The following KIF3A variants were observed in gnomAD, a reference collection of about 807,000 sequenced individuals.
KIF3A encodes kinesin family member 3A.
A neutral mutation model predicts 92.6 loss-of-function variants in KIF3A; 27 were observed. That is an observed-to-expected ratio of 0.29 (90% CI 0.21 to 0.40). The LOEUF is 0.40. Among genes scored for constraint, KIF3A ranks in the 10% least tolerant of loss-of-function variants. The pLI, the probability that KIF3A is intolerant of heterozygous loss-of-function variation, is 1.00. For synonymous variants in KIF3A, 250 were observed against 275.4 expected, an observed-to-expected ratio of 0.91 and a Z score of 0.92; for missense variants, 581 against 872.6, an observed-to-expected ratio of 0.67 and a Z score of 4.21.
At chr5:132,735,634 CA>C (rs1754367291) in intron 1 of KIF3A, among the ~76,000 whole-genome samples, 1 of 152,192 alleles carries the variant, frequency 6.6e-6, no homozygotes, top group South Asian at 2.1e-4. Flanking sequence ...TAGTCTAAAT[CA>C]CCATCATCTT....
At position 132,698,779 on chromosome 5, in the gene KIF3A, A is replaced by C. The variant is rs554532251; in HGVS notation, c.2132+392T>G. The stretch of plus-strand genomic sequence containing the variant: ...AAGTCTTGCTCTGTCACCCAGGCTG[A>C]AGTTCAGTGGCATGATCTCATGATC... On this transcript the variant is annotated intron_variant, in intron 18 of 18. Coordinates refer to ENST00000403231, the MANE Select transcript of KIF3A (RefSeq NM_001300791.2). Among the ~76,000 whole-genome samples, 12 of 36,216 alleles carry C rather than the reference A, an allele frequency of 3.3e-4. No individual in the cohort carries two copies. The South Asian group carries it at 4.2e-3, about 13-fold the overall frequency. 23.8% of individuals were successfully genotyped at this position (36,216 alleles called of 152,430 possible).
chr5:132,698,831 G>A (rs372678499), intron 18 of KIF3A, among the ~76,000 whole-genome samples: 1 of 149,838 alleles, frequency 6.7e-6, no homozygotes, highest in Non-Finnish European at 1.5e-5. Context: ...TCCGGCTCCT[G>A]GGTTCAAGCG....
At position 132,696,556 on chromosome 5, in the gene KIF3A, C is replaced by T. The variant is rs1752843246; in HGVS notation, c.*78G>A. 2 of 814,286 alleles carry T rather than the reference C, an allele frequency of 2.5e-6. No individual in the cohort carries two copies. The highest frequency in any genetic ancestry group is 3.4e-5 in the African/African-American group (2 of 58,798). 50.4% of individuals were successfully genotyped at this position (814,286 alleles called of 1,614,324 possible). ...CCATTAATTGAAATTATAGAGAAGT[C>T]TTCACTGTTTTAATTAAAGATTTTG... On this transcript the variant is annotated 3_prime_UTR_variant, in exon 19 of 19. Transcript: ENST00000403231.
intron 2 of KIF3A, 136 bp from the exon 3 acceptor site, chr5:132,726,634 T>C (rs1754043140): frequency 2.7e-6 from 2 of 743,998 alleles, no homozygotes; most frequent in Admixed American, 5.1e-5. Context: ...AAGTTTCACC[T>C]TTATTATCAA....
chr5:132,707,372 C>T lies in KIF3A; in HGVS notation c.1301-913G>A, dbSNP rs530115621. On this transcript the variant is annotated intron_variant, in intron 10 of 18. Transcript: ENST00000403231. ...GACAACCATCTCTCCACTTCACCAA[C>T]ACGCCCACATTACAAGAAAAAAATT... 3.3e-5 allele frequency among the ~76,000 whole-genome samples: 5 copies of T among 152,280 alleles called. No homozygotes were observed. In the East Asian group the frequency reaches 9.6e-4, roughly 29 times the overall value.
At chr5:132,706,584 AGT>A in intron 10 of KIF3A, 125 bp from the exon 11 acceptor site, 1 of 657,022 alleles carries the variant, frequency 1.5e-6, no homozygotes, top group Non-Finnish European at 2.4e-6. Context: ...CATTCATTTA[AGT>A]GTAGAAATAA....
Position 132,699,187 on chromosome 5 carries a change from G to A in KIF3A, c.2116C>T (p.Pro706Ser). Residue 706 changes from proline (P) to serine (S), a missense_variant, in exon 18 of 19, where the codon CCA becomes TCA. By Grantham distance (74) the Pro-to-Ser change is moderately conservative (BLOSUM62 -1). Coordinates refer to ENST00000403231, the MANE Select transcript of KIF3A (RefSeq NM_001300791.2). ...RPRTSKGKAR[P>S]KTGRRKRSAK... ...AGTCCTTACCTTCTCCCTGTCTTTG[G>A]CCTTGCTTTCCCCTTTGAAGTTCGT... 4 of 1,613,828 alleles carry A rather than the reference G, an allele frequency of 2.5e-6. No individual in the cohort carries two copies. The highest frequency in any genetic ancestry group is 3.4e-6 in the Non-Finnish European group (4 of 1,179,886).
chr5:132,730,451 A>G (rs1754188602), intron 2 of KIF3A, among the ~76,000 whole-genome samples: 3 of 150,134 alleles, frequency 2.0e-5, no homozygotes, highest in African/African-American at 7.4e-5. Flanking sequence ...TGGGCAACAG[A>G]GCAAGACTCT....
intron 11 of KIF3A, among the ~76,000 whole-genome samples, chr5:132,704,644 T>C (rs907947883): frequency 1.3e-5 from 2 of 151,934 alleles, no homozygotes; most frequent in African/African-American, 2.4e-5. Context: ...GAAACATACA[T>C]TCCTTCAGAA....
intron 2 of KIF3A, 109 bp downstream of exon 2, chr5:132,734,096 T>C (rs1754316999): frequency 1.2e-6 from 1 of 863,370 alleles, no homozygotes. Context: ...GTTTCACAAC[T>C]GTATATATTT....
At chr5:132,733,685 T>C (rs527658192) in intron 2 of KIF3A, among the ~76,000 whole-genome samples, 1 of 152,190 alleles carries the variant, frequency 6.6e-6, no homozygotes, top group Admixed American at 6.5e-5. Context: ...GAGGATAGCT[T>C]CAGCCCAGGT....
In KIF3A at chr5:132,734,187, A is replaced by C; in HGVS notation, c.280+18T>G. 1 of 1,588,018 alleles carries C rather than the reference A, an allele frequency of 6.3e-7. No homozygotes were observed. The highest frequency in any genetic ancestry group is 2.2e-5 in the East Asian group (1 of 44,728). On this transcript the variant is annotated intron_variant, in intron 2 of 18. Transcript: ENST00000403231. ...TGTCTCAATAAGGGAGTTTTTTAAA[A>C]AGTAAAGATTCACTTACCATTGTAG...
intron 7 of KIF3A, 89 bp downstream of exon 7, chr5:132,716,156 G>A: frequency 2.6e-6 from 3 of 1,159,726 alleles, no homozygotes; most frequent in Non-Finnish European, 3.7e-6. Flanking sequence ...AAATAATCAA[G>A]TTTAAAAAAT....
At chr5:132,723,784 C>T (rs1043070718) in intron 4 of KIF3A, 2 of 152,004 alleles carry the variant, frequency 1.3e-5, no homozygotes, top group Non-Finnish European at 2.9e-5. Flanking sequence ...GCAACAAAAG[C>T]CAAAATTGAC....
chr5:132,694,806 T>C lies in KIF3A; in HGVS notation c.*1828A>G, dbSNP rs369999536. The C allele has an allele frequency of 6.6e-6, 1 of 152,322 alleles. No individual in the cohort carries two copies. Among genetic ancestry groups the C allele is most frequent in the South Asian group, 2.1e-4 (1 of 4,834 alleles). 9.4% of individuals were successfully genotyped at this position (152,322 alleles called of 1,614,324 possible). A position where few individuals can be genotyped will look rare whatever the true frequency, so the allele number is the denominator to read the frequency against. ...AACAATGCCCCACAGAGTTAAGTAA[T>C]AAATTTCTAGCTATCTTACATACCA... is the stretch of plus-strand genomic sequence containing the variant. On this transcript the variant is annotated 3_prime_UTR_variant, in exon 19 of 19. Coordinates refer to ENST00000403231, the MANE Select transcript of KIF3A (RefSeq NM_001300791.2).
chr5:132,729,383 C>T (rs1420984377), intron 2 of KIF3A, among the ~76,000 whole-genome samples: 2 of 151,996 alleles, frequency 1.3e-5, no homozygotes, highest in African/African-American at 4.8e-5. Flanking sequence ...GTCCAGGAGG[C>T]TGAGGCTGCA....
chr5:132,714,095 C>T (rs151270001), intron 8 of KIF3A, among the ~76,000 whole-genome samples: 2,833 of 151,982 alleles, frequency 0.019, 79 homozygotes, highest in African/African-American at 0.06. Context: ...TGGGGTTTCA[C>T]CGTGTTGGCC....
downstream of KIF3A, among the ~76,000 whole-genome samples, chr5:132,691,364 A>G (rs1369720540): frequency 6.6e-6 from 1 of 151,974 alleles, no homozygotes; most frequent in Non-Finnish European, 1.5e-5. Flanking sequence ...CCTGACCAAC[A>G]TGGAGAAACA....
chr5:132,730,015 CG>C (rs1754168962), intron 2 of KIF3A, among the ~76,000 whole-genome samples: 1 of 152,082 alleles, frequency 6.6e-6, no homozygotes, highest in Admixed American at 6.6e-5. Context: ...AAAGAAAAGA[CG>C]TAAGTTACCA....
Sources: gnomAD v4.1 joint callset for allele counts (sites outside exome capture counted in the v4.1 genomes callset) on GRCh38, gnomAD v4.1.1 for gene constraint, MANE v1.5 for transcripts, NCBI Gene and HGNC (gene_info 2026-07-23, HGNC 2026-07-21) for gene names.